The following TTC7B variants were observed in gnomAD, a reference collection of about 807,000 sequenced individuals.
TTC7B encodes tetratricopeptide repeat domain 7B.
A neutral mutation model predicts 106.8 loss-of-function variants in TTC7B; 28 were observed. That is an observed-to-expected ratio of 0.26 (90% CI 0.19 to 0.36). The LOEUF (loss-of-function observed/expected upper bound fraction) is 0.36. TTC7B is among the 10% of genes least tolerant of loss of function. The pLI, the probability that TTC7B is intolerant of heterozygous loss-of-function variation, is 1.00. For synonymous variants in TTC7B, 405 were observed against 430.6 expected (o/e 0.94, Z 0.74); for missense variants, 862 against 1,076.4 (o/e 0.80, Z 2.79).
chr14:90,592,545 C>T (rs1476007400), intron 18 of TTC7B, among the ~76,000 whole-genome samples: 2 of 152,016 alleles, frequency 1.3e-5, no homozygotes, highest in African/African-American at 2.4e-5. Context: ...CCCGTCTCTA[C>T]TAAAAACACA....
chr14:90,644,921 C>T (rs539482469), intron 14 of TTC7B: 1 of 152,330 alleles, frequency 6.6e-6, no homozygotes, highest in Non-Finnish European at 1.5e-5. Flanking sequence ...ACATCCTGAA[C>T]CTTTCAGTGC....
Position 90,618,048 on chromosome 14 carries a change from G to A in TTC7B, c.1752-3C>T, listed in dbSNP as rs572781797. 2.5e-6 allele frequency: 4 copies of A among 1,607,266 alleles called. No individual in the cohort carries two copies. The highest frequency in any genetic ancestry group is 3.3e-5 in the Admixed American group (2 of 59,986). On this transcript the variant is annotated splice_region_variant and splice_polypyrimidine_tract_variant and intron_variant, in intron 15 of 19. Transcript: ENST00000328459. Reference sequence around the variant, plus strand: ...ACTTCACTTTGGAAAACAGTAGTCTGCAGTGGGGAGACAAAGGGAGAAAAC... The same window carrying A: ...ACTTCACTTTGGAAAACAGTAGTCTACAGTGGGGAGACAAAGGGAGAAAAC...
At chr14:90,598,388 A>T (rs1892299362) in intron 17 of TTC7B, among the ~76,000 whole-genome samples, 1 of 152,206 alleles carries the variant, frequency 6.6e-6, no homozygotes, top group South Asian at 2.1e-4. Context: ...CACCTGATAC[A>T]GAGGCAAAGT....
chr14:90,541,907 GC>G (rs1889609214), intron 19 of TTC7B, among the ~76,000 whole-genome samples: 1 of 152,218 alleles, frequency 6.6e-6, no homozygotes, highest in Admixed American at 6.5e-5. Context: ...ACCCAGCGCG[GC>G]GTCAGCATGG....
At chr14:90,644,253 A>ACACT in intron 14 of TTC7B, 45 bp from the exon 15 acceptor site, 4 of 1,378,210 alleles carry the variant, frequency 2.9e-6, no homozygotes, top group South Asian at 1.4e-5. Context: ...ACACACATGC[A>ACACT]CACGCACACA....
chr14:90,592,998 TC>T (rs969789825), intron 18 of TTC7B, among the ~76,000 whole-genome samples: 19 of 152,318 alleles, frequency 1.2e-4, no homozygotes, highest in African/African-American at 4.6e-4. Context: ...TCTCAGGGAC[TC>T]CAAGAATTCA....
At chr14:90,594,777 C>T (rs1020084431) in intron 17 of TTC7B, among the ~76,000 whole-genome samples, 2 of 152,084 alleles carry the variant, frequency 1.3e-5, no homozygotes, top group Non-Finnish European at 2.9e-5. Flanking sequence ...AAAATAATTT[C>T]AGTTGCGCTT....
chr14:90,551,768 C>A (rs566468447), intron 19 of TTC7B, among the ~76,000 whole-genome samples: 2 of 152,338 alleles, frequency 1.3e-5, no homozygotes, highest in Non-Finnish European at 2.9e-5. Flanking sequence ...TCCTCCCGGG[C>A]GGCCCTTTCT....
intron 5 of TTC7B, among the ~76,000 whole-genome samples, chr14:90,696,013 A>T (rs1182258980): frequency 2.0e-5 from 3 of 152,146 alleles, no homozygotes; most frequent in African/African-American, 7.2e-5. Flanking sequence ...TGGAAGGCAC[A>T]AAAAAACAGG....
intron 8 of TTC7B, among the ~76,000 whole-genome samples, chr14:90,679,572 G>A (rs1055315549): frequency 1.1e-4 from 17 of 152,218 alleles, no homozygotes; most frequent in East Asian, 3.9e-4. Flanking sequence ...AGACCACTGC[G>A]TGATGCACGC....
chr14:90,542,473 C>T (rs1889642382), intron 19 of TTC7B, among the ~76,000 whole-genome samples: 1 of 152,104 alleles, frequency 6.6e-6, no homozygotes, highest in African/African-American at 2.4e-5. Context: ...CCTCTATAAG[C>T]GATGCGTGTA....
At position 90,539,171 on chromosome 14, in the gene TTC7B, A is replaced by G; in HGVS notation, c.*2197T>C. The G allele has an allele frequency of 6.6e-6, 1 of 152,332 alleles. No homozygotes were observed. The highest frequency in any genetic ancestry group is 1.5e-5 in the Non-Finnish European group (1 of 68,168). The allele number at this position is 152,332 out of a possible 1,614,324, so 9.4% of individuals were successfully genotyped here. A position where few individuals can be genotyped will look rare whatever the true frequency, so the allele number is the denominator to read the frequency against. On this transcript the variant is annotated 3_prime_UTR_variant, in exon 20 of 20. Transcript: ENST00000328459. ...CCATCCTTGAGCCATGTGGGTGGAG[A>G]GTGGGGGTGGTTCCCTGAGGGAGAT...
In TTC7B at chr14:90,805,929, C is replaced by T. The variant is rs1206545492; in HGVS notation, c.121+10246G>A. On this transcript the variant is annotated intron_variant, in intron 1 of 19. Transcript: ENST00000328459. This position sits in a 1 kb window ranked among gnomAD's most constrained non-coding sequence, Gnocchi z 4.0. ...TTTGCCTCTGGAAGGGACTGCCCTT[C>T]CTCCTGGTTCCTCCCATGCAGGATA... 1.3e-5 allele frequency among the ~76,000 whole-genome samples: 2 copies of T among 152,294 alleles called. No individual in the cohort carries two copies. The highest frequency in any genetic ancestry group is 2.4e-5 in the African/African-American group (1 of 41,552).
chr14:90,670,423 A>T (rs149132654), intron 9 of TTC7B, among the ~76,000 whole-genome samples: 123 of 152,314 alleles, frequency 8.1e-4, no homozygotes, highest in Admixed American at 1.4e-3. Flanking sequence ...GTGGAAATAG[A>T]TAGTGATGAT....
intron 7 of TTC7B, among the ~76,000 whole-genome samples, chr14:90,684,638 G>A (rs771474563): frequency 2.0e-5 from 3 of 152,134 alleles, no homozygotes; most frequent in South Asian, 2.1e-4. Context: ...AGTGCATATC[G>A]TATGATTCCA....
At chr14:90,756,664 G>C (rs1466109574) in intron 3 of TTC7B, among the ~76,000 whole-genome samples, 2 of 152,000 alleles carry the variant, frequency 1.3e-5, no homozygotes, top group Non-Finnish European at 2.9e-5. Flanking sequence ...CAAAGTGCTG[G>C]GATTACAGGT....
At chr14:90,687,851 A>C (rs1887306859) in intron 7 of TTC7B, among the ~76,000 whole-genome samples, 1 of 152,238 alleles carries the variant, frequency 6.6e-6, no homozygotes, top group African/African-American at 2.4e-5. Context: ...AACTCATCTG[A>C]ATCCATGTAA....
intron 3 of TTC7B, among the ~76,000 whole-genome samples, chr14:90,772,383 CT>C (rs1164489587): frequency 6.6e-6 from 1 of 152,158 alleles, no homozygotes; most frequent in African/African-American, 2.4e-5. Context: ...TTCATCCATA[CT>C]ATGAAATGTT....
In TTC7B at chr14:90,534,086, C is replaced by T. The variant is rs532647807; in HGVS notation, c.*7282G>A. On this transcript the variant is annotated 3_prime_UTR_variant, in exon 20 of 20. Coordinates refer to ENST00000328459, the MANE Select transcript of TTC7B (RefSeq NM_001010854.2). ...AGGGACAGTGGCACAGTGAGGATCA[C>T]CCCCAGCAGGTGCAGAGCTGGAGTG... The T allele has an allele frequency of 6.6e-6, 1 of 152,530 alleles. No homozygotes were observed. Among genetic ancestry groups the T allele is most frequent in the African/African-American group, 2.4e-5 (1 of 41,598 alleles). 9.4% of individuals were successfully genotyped at this position (152,530 alleles called of 1,614,324 possible). A position where few individuals can be genotyped will look rare whatever the true frequency, so the allele number is the denominator to read the frequency against.
Sources: allele counts gnomAD v4.1 joint callset (sites outside exome capture counted in the v4.1 genomes callset), GRCh38; gene constraint gnomAD v4.1.1; non-coding constraint Gnocchi (gnomAD v3.1); transcripts MANE v1.5; gene names NCBI Gene and HGNC (gene_info 2026-07-23, HGNC 2026-07-21).